Variants in SERPINB12 observed in about 807,000 individuals in gnomAD.
SERPINB12 encodes serpin family B member 12.
SERPINB12 carries 57 observed loss-of-function variants against 41.1 expected under a neutral mutation model. That is an observed-to-expected ratio of 1.39 (90% CI 1.12 to 1.73). The LOEUF is 1.73. Among genes scored for constraint, SERPINB12 ranks in the 40% most tolerant of loss-of-function variants. SERPINB12 has a pLI of 0.00. For synonymous variants in SERPINB12, 180 were observed against 181.3 expected, an observed-to-expected ratio of 0.99 and a Z score of 0.06; for missense variants, 536 against 501.9, an observed-to-expected ratio of 1.07 and a Z score of -0.65.
At position 63,561,097 on chromosome 18, in the gene SERPINB12, G is replaced by T. The variant is rs751796197; in HGVS notation, c.457G>T (p.Gly153Cys). 4 of 1,602,870 alleles carry T rather than the reference G, an allele frequency of 2.5e-6. No homozygotes were observed. In the African/African-American group the frequency reaches 5.4e-5, roughly 21 times the overall value. Residue 153 changes from glycine to cysteine, a missense_variant, in exon 5 of 8, where the codon GGT becomes TGT. Gly to Cys is a radical substitution (Grantham distance 159, BLOSUM62 -3). Transcript: ENST00000382768. The stretch of plus-strand genomic sequence containing the variant: ...TCCAATGGAACAGGAATACTTAGAT[G>T]GTGTGATTCAATTTTACCACACGAC... ...EFPICQEYLD[G>C]VIQFYHTTIE...
chr18:63,557,297 G>A (rs930169365), intron 2 of SERPINB12, among the ~76,000 whole-genome samples: 1 of 152,010 alleles, frequency 6.6e-6, no homozygotes, highest in African/African-American at 2.4e-5. Flanking sequence ...TCTCCTATAC[G>A]GGGCCTACTT....
At chr18:63,559,003 C>CTTTCTTTCTTTTCTTTCT (rs1491386715) in intron 3 of SERPINB12, among the ~76,000 whole-genome samples, 16 of 78,600 alleles carry the variant, frequency 2.0e-4, no homozygotes, top group African/African-American at 7.6e-4. Context: ...TCTTTCCTTC[C>CTTTCTTTCTTTTCTTTCT]TTCTTTCTTT....
chr18:63,559,055 T>TTTCTTTCC (rs1239221749), intron 3 of SERPINB12, among the ~76,000 whole-genome samples: 2 of 91,562 alleles, frequency 2.2e-5, no homozygotes, highest in Non-Finnish European at 5.8e-5. Flanking sequence ...TCTTTCTTTC[T>TTTCTTTCC]TTCTCTCCTT....
At chr18:63,520,539 T>G in the SERPINB12 span, among the ~76,000 whole-genome samples, 1 of 152,126 alleles carries the variant, frequency 6.6e-6, no homozygotes, top group Non-Finnish European at 1.5e-5. Flanking sequence ...CAGGTGTCCT[T>G]GCAAGGGGGA....
chr18:63,542,594 G>A (rs1056265329), intron 1 of SERPINB12, among the ~76,000 whole-genome samples, 102 bp downstream of exon 1: 2 of 152,176 alleles, frequency 1.3e-5, no homozygotes, highest in African/African-American at 4.8e-5. Context: ...TCATTCTTGG[G>A]ATCAGAGAGT....
intron 5 of SERPINB12, among the ~76,000 whole-genome samples, chr18:63,561,701 A>G (rs1017122542): frequency 6.6e-6 from 1 of 152,228 alleles, no homozygotes; most frequent in South Asian, 2.1e-4. Context: ...ATGGAATACT[A>G]CACAGCCATC....
At chr18:63,539,262 C>T (rs1210867486), upstream of SERPINB12, among the ~76,000 whole-genome samples, 1 of 152,088 alleles carries the variant, frequency 6.6e-6, no homozygotes, top group East Asian at 1.9e-4. Flanking sequence ...AAAAAGAAAG[C>T]ATGGCCTCTA....
Position 63,542,454 on chromosome 18 carries a change from C to CACAG in SERPINB12, c.-54_-51dup, listed in dbSNP as rs1346909340. ...GATTTTTGAATTGACTTTATCAGAG[C>CACAG]ACAGACCTTAGCTGGGGACAGCCCT... On this transcript the variant is annotated 5_prime_UTR_variant, in exon 1 of 8. Coordinates refer to ENST00000382768, the MANE Select transcript of SERPINB12 (RefSeq NM_001307928.2). Among the ~76,000 whole-genome samples, 4 of 152,170 alleles carry CACAG rather than the reference C, an allele frequency of 2.6e-5. No individual in the cohort carries two copies. Among genetic ancestry groups the CACAG allele is most frequent in the African/African-American group, 9.7e-5 (4 of 41,432 alleles).
At chr18:63,535,244 T>A in the SERPINB12 span, among the ~76,000 whole-genome samples, 1 of 152,270 alleles carries the variant, frequency 6.6e-6, no homozygotes, top group South Asian at 2.1e-4. Flanking sequence ...AATATCTTCC[T>A]CCTTCGTATT....
In SERPINB12 at chr18:63,568,273, C is replaced by T. The variant is rs112693585; in HGVS notation, c.*1262C>T. 0.016 allele frequency among the ~76,000 whole-genome samples: 2,398 copies of T among 152,146 alleles called. 67 individuals are homozygous for T. The highest frequency in any genetic ancestry group is 0.053 in the African/African-American group (2,199 of 41,476). On this transcript the variant is annotated 3_prime_UTR_variant, in exon 8 of 8. Coordinates refer to ENST00000382768, the MANE Select transcript of SERPINB12 (RefSeq NM_001307928.2). ...GTGTGCACCTATAGTCCCAGCTACT[C>T]GGGAGGCTGAGGTGGGAAGATCACT...
At chr18:63,535,310 C>T in the SERPINB12 span, among the ~76,000 whole-genome samples, 2 of 151,986 alleles carry the variant, frequency 1.3e-5, no homozygotes, top group Non-Finnish European at 2.9e-5. Context: ...CAAGACATCA[C>T]CCAACCAAAT....
intron 1 of SERPINB12, among the ~76,000 whole-genome samples, chr18:63,548,474 T>A (rs1024753356): frequency 2.4e-4 from 37 of 152,008 alleles, no homozygotes; most frequent in Non-Finnish European, 8.8e-5. Flanking sequence ...CAGAAAATAT[T>A]GACAATTTTC....
the SERPINB12 span, among the ~76,000 whole-genome samples, chr18:63,524,781 GCT>G: frequency 7.1e-5 from 7 of 98,556 alleles, no homozygotes; most frequent in Admixed American, 2.5e-4. Flanking sequence ...TGACAGTCTT[GCT>G]CTGTCACCCA....
At chr18:63,531,170 A>C in the SERPINB12 span, among the ~76,000 whole-genome samples, 1 of 152,220 alleles carries the variant, frequency 6.6e-6, no homozygotes, top group African/African-American at 2.4e-5. Context: ...GTTGATAATT[A>C]TGAATCCATA....
At chr18:63,563,493 C>T (rs749937711) in intron 5 of SERPINB12, among the ~76,000 whole-genome samples, 5 of 152,136 alleles carry the variant, frequency 3.3e-5, no homozygotes, top group Non-Finnish European at 7.4e-5. Context: ...AGGGTTTCTC[C>T]CCTGCCCCAT....
chr18:63,522,885 C>A, the SERPINB12 span, among the ~76,000 whole-genome samples: 1 of 151,926 alleles, frequency 6.6e-6, no homozygotes, highest in Non-Finnish European at 1.5e-5. Context: ...TGATGACATG[C>A]TAGATTTTAA....
At chr18:63,533,234 C>T in the SERPINB12 span, among the ~76,000 whole-genome samples, 1 of 152,254 alleles carries the variant, frequency 6.6e-6, no homozygotes, top group East Asian at 1.9e-4. Context: ...CCTTGGCCTC[C>T]CAAAATATTG....
chr18:63,552,568 C>T (rs1047031016), intron 1 of SERPINB12, among the ~76,000 whole-genome samples: 14 of 152,002 alleles, frequency 9.2e-5, no homozygotes, highest in Admixed American at 9.2e-4. Flanking sequence ...TACTCTTTTC[C>T]CTTTTCTATT....
In SERPINB12 at chr18:63,567,398, C is replaced by G. The variant is rs149785165; in HGVS notation, c.*387C>G. Among the ~76,000 whole-genome samples, 1 of 152,004 alleles carries G rather than the reference C, an allele frequency of 6.6e-6. No individual in the cohort carries two copies. The highest frequency in any genetic ancestry group is 1.5e-5 in the Non-Finnish European group (1 of 67,950). On this transcript the variant is annotated 3_prime_UTR_variant, in exon 8 of 8. Transcript: ENST00000382768. ...AGCAAGAGAACATGTTTGACTGGAA[C>G]GTGTTTGGAAACTCAGCTCTGTTTC...
Sources: allele counts gnomAD v4.1 joint callset (sites outside exome capture counted in the v4.1 genomes callset), GRCh38; gene constraint gnomAD v4.1.1; transcripts MANE v1.5; gene names NCBI Gene and HGNC (gene_info 2026-07-23, HGNC 2026-07-21).